The following TTC9 variants were observed in gnomAD, a reference collection of about 807,000 sequenced individuals.
TTC9 encodes the protein tetratricopeptide repeat protein 9A.
In TTC9, 13 loss-of-function variants were observed where a neutral mutation model predicts 22.9. The observed-to-expected ratio is 0.57, with a 90% CI of 0.37 to 0.90. TTC9 has a LOEUF of 0.90. TTC9 is among the 40% of genes least tolerant of loss of function. The pLI is 0.01. For synonymous variants in TTC9, 148 were observed against 133.2 expected (o/e 1.11, Z -0.77); for missense variants, 280 against 291.8 (o/e 0.96, Z 0.29).
At position 70,671,987 on chromosome 14, in the gene TTC9, G is replaced by C. The variant is rs976323398; in HGVS notation, c.*832G>C. The C allele has an allele frequency of 1.2e-4, 19 of 152,258 alleles. No individual in the cohort carries two copies. The highest frequency in any genetic ancestry group is 4.6e-4 in the African/African-American group (19 of 41,468). The allele number at this position is 152,258 out of a possible 1,614,324, so 9.4% of individuals were successfully genotyped here. ...ATCGTATAGGCTAGGGGATTGAACT[G>C]TGGACTGATTCAGTGTAAATAAAAA... On this transcript the variant is annotated 3_prime_UTR_variant, in exon 3 of 3. Coordinates refer to ENST00000256367, the MANE Select transcript of TTC9 (RefSeq NM_015351.2).
chr14:70,663,713 G>T (rs1156575471), intron 1 of TTC9, among the ~76,000 whole-genome samples: 1 of 152,152 alleles, frequency 6.6e-6, no homozygotes, highest in Non-Finnish European at 1.5e-5. Flanking sequence ...AGGTGGGTGG[G>T]GGGGCGGGTG....
rs979332387 is a variant in TTC9, at chr14:70,667,872, G to C, written c.589+126G>C. On this transcript the variant is annotated intron_variant, in intron 2 of 2. Coordinates refer to ENST00000256367, the MANE Select transcript of TTC9 (RefSeq NM_015351.2). ...ACAGAGATGGCAAAATTAGGGATCA[G>C]ATATATATGATAAGACCTAAGAGGA... is the stretch of plus-strand genomic sequence containing the variant. 2.3e-5 allele frequency: 21 copies of C among 893,864 alleles called. No individual in the cohort carries two copies. The African/African-American group carries it at 2.8e-4, about 12-fold the overall frequency. 55.4% of individuals were successfully genotyped at this position (893,864 alleles called of 1,614,324 possible).
intron 1 of TTC9, among the ~76,000 whole-genome samples, chr14:70,652,623 G>A (rs1265657731): frequency 6.6e-6 from 1 of 152,234 alleles, no homozygotes; most frequent in Non-Finnish European, 1.5e-5. Context: ...AGACTGGCAA[G>A]AGTTTGAGAG....
At chr14:70,647,775 A>C (rs1156322195) in intron 1 of TTC9, among the ~76,000 whole-genome samples, 6 of 152,222 alleles carry the variant, frequency 3.9e-5, no homozygotes, top group Admixed American at 2.0e-4. Context: ...TTTAAAGATA[A>C]AGTGACTAAG....
At chr14:70,656,652 G>C (rs1428816703) in intron 1 of TTC9, among the ~76,000 whole-genome samples, 1 of 152,186 alleles carries the variant, frequency 6.6e-6, no homozygotes. Context: ...TAGAACTCTG[G>C]CTTCTAAGGT....
rs985973019 is a variant in TTC9 at position 70,671,226 on chromosome 14, C to T, written c.*71C>T. 35 of 1,334,242 alleles carry T rather than the reference C, an allele frequency of 2.6e-5. No individual in the cohort carries two copies. The highest frequency in any genetic ancestry group is 7.3e-5 in the Admixed American group (4 of 54,680). The allele number at this position is 1,334,242 out of a possible 1,614,324, so 82.7% of individuals were successfully genotyped here. ...CCAGGCATCCCCTGGCAGAGAGCCCCGTCCTGGATTCTGTCCCTTTCTCCC... is the reference window on the plus strand; with the variant it reads ...CCAGGCATCCCCTGGCAGAGAGCCCTGTCCTGGATTCTGTCCCTTTCTCCC... On this transcript the variant is annotated 3_prime_UTR_variant, in exon 3 of 3. Transcript: ENST00000256367.
intron 1 of TTC9, among the ~76,000 whole-genome samples, chr14:70,645,857 T>C (rs1409935175): frequency 1.3e-5 from 2 of 152,198 alleles, no homozygotes; most frequent in Non-Finnish European, 2.9e-5. Context: ...TAGGAGGAAG[T>C]TGGACTACTA....
chr14:70,655,406 C>CAAA lies in TTC9; in HGVS notation c.407-12147_407-12145dup, dbSNP rs34595586. Among the ~76,000 whole-genome samples, 93 of 132,206 alleles carry CAAA rather than the reference C, an allele frequency of 7.0e-4. 1 individual carries two copies. Among genetic ancestry groups the CAAA allele is most frequent in the Non-Finnish European group, 1.2e-3 (72 of 60,748 alleles). The allele number at this position is 132,206 out of a possible 152,430, so 86.7% of individuals were successfully genotyped here. A position where few individuals can be genotyped will look rare whatever the true frequency, so the allele number is the denominator to read the frequency against. The stretch of plus-strand genomic sequence containing the variant: ...CAGAGCGAGACTCCATCTCAAGAAA[C>CAAA]AAAAAAAAAAAAACAAAGAAGAAGG... On this transcript the variant is annotated intron_variant, in intron 1 of 2. Transcript: ENST00000256367.
intron 1 of TTC9, among the ~76,000 whole-genome samples, chr14:70,645,268 A>G (rs1396728629): frequency 6.6e-6 from 1 of 152,248 alleles, no homozygotes; most frequent in Non-Finnish European, 1.5e-5. Context: ...AAAATAATCA[A>G]TGCCTCTAAT....
At chr14:70,667,857 C>A in intron 2 of TTC9, 111 bp downstream of exon 2, 1 of 1,033,214 alleles carries the variant, frequency 9.7e-7, no homozygotes, top group Non-Finnish European at 1.4e-6. Context: ...ACAGAGATGG[C>A]AAAATTAGGG....
intron 1 of TTC9, among the ~76,000 whole-genome samples, chr14:70,647,071 C>T (rs555505787): frequency 2.0e-5 from 3 of 152,212 alleles, no homozygotes; most frequent in African/African-American, 7.2e-5. Context: ...GATGTCATTG[C>T]AAATAAAAAA....
chr14:70,650,879 C>T (rs1483330724), intron 1 of TTC9, among the ~76,000 whole-genome samples: 2 of 152,026 alleles, frequency 1.3e-5, no homozygotes, highest in South Asian at 2.1e-4. Context: ...GTACAGTGTT[C>T]GCATTCAAGA....
intron 2 of TTC9, 78 bp from the exon 3 acceptor site, chr14:70,670,998 A>G: frequency 7.1e-7 from 1 of 1,417,428 alleles, no homozygotes; most frequent in Non-Finnish European, 9.9e-7. Flanking sequence ...GTCTGCAGAC[A>G]CAGCCTTTGC....
rs1885821566 is a variant in TTC9, at chr14:70,642,163, G to A, written c.34G>A (p.Gly12Arg). The A allele has an allele frequency of 1.7e-6, 2 of 1,191,770 alleles. No homozygotes were observed. The highest frequency in any genetic ancestry group is 1.6e-5 in the African/African-American group (1 of 61,674). The allele number at this position is 1,191,770 out of a possible 1,614,324, so 73.8% of individuals were successfully genotyped here. Reference protein sequence around the residue: ...ERKGSAAGAKGNPSPPAAGEG... With the variant: ...ERKGSAAGAKRNPSPPAAGEG... ...AAAGGGCTCGGCGGCCGGGGCCAAG[G>A]GGAACCCGAGCCCGCCCGCGGCCGG... is the stretch of plus-strand genomic sequence containing the variant. The change falls in exon 1 of 3, where the codon GGG becomes AGG. Residue 12 changes from glycine to arginine, a missense_variant. By Grantham distance (125) the Gly-to-Arg change is moderately radical. This residue lies in a region of TTC9 where 49 missense variants were observed against 39.8 expected (regional missense o/e 1.23). Coordinates refer to ENST00000256367, the MANE Select transcript of TTC9 (RefSeq NM_015351.2).
chr14:70,642,296 G>T lies in TTC9; in HGVS notation c.167G>T (p.Arg56Leu). The T allele has an allele frequency of 6.5e-7, 1 of 1,540,422 alleles. No individual in the cohort carries two copies. Among genetic ancestry groups the T allele is most frequent in the East Asian group, 2.6e-5 (1 of 37,942 alleles). The change falls in exon 1 of 3, where the codon CGA (arginine) becomes CTA (leucine). Residue 56 changes from arginine (R) to leucine (L), a missense_variant. Transcript: ENST00000256367. ...AAAEPAELIR[R>L]AHEFKSQGAQ... ...GCCGAGCCGGCCGAGCTCATCCGAC[G>T]AGCGCACGAGTTCAAAAGCCAAGGG... is the stretch of plus-strand genomic sequence containing the variant.
chr14:70,643,468 A>G (rs867507274), intron 1 of TTC9, among the ~76,000 whole-genome samples: 2 of 152,226 alleles, frequency 1.3e-5, no homozygotes, highest in Non-Finnish European at 2.9e-5. Flanking sequence ...GGCAACTTAA[A>G]AAGCATTCTC....
intron 1 of TTC9, among the ~76,000 whole-genome samples, chr14:70,648,698 C>T (rs1404218591): frequency 1.3e-5 from 2 of 152,212 alleles, no homozygotes; most frequent in African/African-American, 4.8e-5. Flanking sequence ...ATGTTTCAAT[C>T]AACCAACTAG....
chr14:70,654,764 C>G (rs1886037340), intron 1 of TTC9, among the ~76,000 whole-genome samples: 1 of 152,044 alleles, frequency 6.6e-6, no homozygotes, highest in African/African-American at 2.4e-5. Flanking sequence ...CGAATAGGCT[C>G]AGAGAGACTT....
chr14:70,643,424 G>A (rs1885857548), intron 1 of TTC9, among the ~76,000 whole-genome samples: 1 of 152,230 alleles, frequency 6.6e-6, no homozygotes, highest in Non-Finnish European at 1.5e-5. Context: ...TCTTGCTAGG[G>A]CCTTCCTGGG....
Sources: gnomAD v4.1 joint callset for allele counts (sites outside exome capture counted in the v4.1 genomes callset) on GRCh38, gnomAD v4.1.1 for gene constraint, gnomAD v4.1.1 regional missense constraint, MANE v1.5 for transcripts, NCBI Gene and HGNC (gene_info 2026-07-23, HGNC 2026-07-21) for gene names.